Variants in TJP1 observed in about 807,000 individuals in gnomAD.
TJP1 encodes tight junction protein ZO-1.
TJP1 carries 43 observed loss-of-function variants against 194.2 expected under a neutral mutation model. That is an observed-to-expected ratio of 0.22 (90% confidence interval 0.17 to 0.29). The LOEUF (loss-of-function observed/expected upper bound fraction) is 0.29, where lower values mean the gene tolerates loss of function less well. Among genes scored for constraint, TJP1 ranks in the 10% least tolerant of loss-of-function variants. TJP1 has a pLI of 1.00. For synonymous variants in TJP1, 801 were observed against 779.0 expected, an observed-to-expected ratio of 1.03 and a Z score of -0.47; for missense variants, 1,971 against 2,185.7, an observed-to-expected ratio of 0.90 and a Z score of 1.96.
intron 2 of TJP1, among the ~76,000 whole-genome samples, chr15:29,793,124 G>A (rs933868288): frequency 1.3e-5 from 2 of 152,164 alleles, no homozygotes; most frequent in East Asian, 1.9e-4. Flanking sequence ...AATTGCTCTG[G>A]CTAGGACTTC....
At chr15:29,776,023 T>C (rs986697951) in intron 2 of TJP1, among the ~76,000 whole-genome samples, 1 of 152,116 alleles carries the variant, frequency 6.6e-6, no homozygotes, top group Non-Finnish European at 1.5e-5. Context: ...AAGGAAAGCT[T>C]CTAAATTCTT....
At chr15:29,873,821 G>A (rs894972325) in intron 2 of TJP1, among the ~76,000 whole-genome samples, 3 of 152,082 alleles carry the variant, frequency 2.0e-5, no homozygotes, top group Admixed American at 6.5e-5. Context: ...ATTTCAACAC[G>A]AACAGGTATT....
chr15:29,708,365 T>TA (rs1203615328), intron 25 of TJP1, among the ~76,000 whole-genome samples, 194 bp downstream of exon 25: 1 of 152,176 alleles, frequency 6.6e-6, no homozygotes, highest in Non-Finnish European at 1.5e-5. Context: ...ACACGACTGT[T>TA]AGCTTTATTA....
chr15:29,734,941 A>C (rs1474192698), intron 11 of TJP1, among the ~76,000 whole-genome samples: 1 of 152,164 alleles, frequency 6.6e-6, no homozygotes, highest in African/African-American at 2.4e-5. Context: ...ATCTGTGTAA[A>C]ATTTAACCAG....
At chr15:29,708,533 G>T in intron 25 of TJP1, 26 bp downstream of exon 25, 1 of 1,558,898 alleles carries the variant, frequency 6.4e-7, no homozygotes, top group Non-Finnish European at 8.8e-7. Context: ...CAGGGCCAAT[G>T]CTTTGAGCAA....
chr15:29,828,716 G>A (rs1410996673), intron 2 of TJP1, among the ~76,000 whole-genome samples: 1 of 147,202 alleles, frequency 6.8e-6, no homozygotes, highest in African/African-American at 2.5e-5. Context: ...TGTGTTCTTT[G>A]GAACTGAATG....
At chr15:29,702,525 T>C (rs2041614427) in intron 27 of TJP1, among the ~76,000 whole-genome samples, 1 of 152,174 alleles carries the variant, frequency 6.6e-6, no homozygotes, top group Non-Finnish European at 1.5e-5. Flanking sequence ...CTGCCCCTGA[T>C]GGGACATCTG....
intron 18 of TJP1, among the ~76,000 whole-genome samples, chr15:29,721,046 G>T (rs1303602650): frequency 6.6e-6 from 1 of 152,198 alleles, no homozygotes; most frequent in Non-Finnish European, 1.5e-5. Context: ...TTTTAAGCAA[G>T]GGGAAGAGGG....
At chr15:29,810,700 A>C (rs940404347) in intron 1 of TJP1, among the ~76,000 whole-genome samples, 6 of 152,182 alleles carry the variant, frequency 3.9e-5, no homozygotes, top group African/African-American at 1.4e-4. Flanking sequence ...ACAGAGTTTA[A>C]AGCACAGAGT....
At chr15:29,758,747 T>C (rs2045811728) in intron 8 of TJP1, among the ~76,000 whole-genome samples, 1 of 152,192 alleles carries the variant, frequency 6.6e-6, no homozygotes, top group African/African-American at 2.4e-5. Context: ...GATAACAATC[T>C]ATGCTGTGCC....
At chr15:29,704,123 TC>T (rs1178192781) in intron 27 of TJP1, 38 bp downstream of exon 27, 1 of 1,538,772 alleles carries the variant, frequency 6.5e-7, no homozygotes, top group South Asian at 1.2e-5. Context: ...TCAACGACAG[TC>T]CCCAAAGCTC....
intron 1 of TJP1, among the ~76,000 whole-genome samples, chr15:29,958,428 T>C (rs2056029871): frequency 6.6e-6 from 1 of 152,180 alleles, no homozygotes; most frequent in African/African-American, 2.4e-5. Flanking sequence ...TTTTTACTCA[T>C]ATGTTTAGAT....
intron 25 of TJP1, among the ~76,000 whole-genome samples, chr15:29,706,327 A>G (rs2041897344): frequency 6.6e-6 from 1 of 152,194 alleles, no homozygotes; most frequent in Non-Finnish European, 1.5e-5. Flanking sequence ...TAGTCAAACG[A>G]CCTTCATTAA....
intron 2 of TJP1, among the ~76,000 whole-genome samples, chr15:29,896,272 A>C (rs1344561687): frequency 4.6e-5 from 7 of 152,258 alleles, no homozygotes; most frequent in Admixed American, 1.3e-4. Context: ...CCTGATAGTG[A>C]GTGAGTCTCA....
At chr15:29,806,280 T>C (rs762249075) in intron 1 of TJP1, among the ~76,000 whole-genome samples, 4 of 152,054 alleles carry the variant, frequency 2.6e-5, no homozygotes, top group Non-Finnish European at 4.4e-5. Flanking sequence ...CCAAAGGAAT[T>C]TGAGAAGAAG....
At chr15:29,877,779 C>T (rs1431694186) in intron 2 of TJP1, among the ~76,000 whole-genome samples, 1 of 151,746 alleles carries the variant, frequency 6.6e-6, no homozygotes, top group African/African-American at 2.4e-5. Flanking sequence ...TTGCCTCAGT[C>T]TCCCGAGTAG....
At chr15:29,938,468 A>G (rs1262301230) in intron 2 of TJP1, among the ~76,000 whole-genome samples, 1 of 152,250 alleles carries the variant, frequency 6.6e-6, no homozygotes, top group African/African-American at 2.4e-5. Flanking sequence ...GTTTACAGCT[A>G]GTTTTAAACA....
intron 2 of TJP1, among the ~76,000 whole-genome samples, chr15:29,933,149 T>C (rs1231072732): frequency 6.6e-6 from 1 of 152,162 alleles, no homozygotes; most frequent in Non-Finnish European, 1.5e-5. Context: ...AATAAATACA[T>C]ATACATAGAT....
At chr15:29,770,412 G>A (rs1208323191) in intron 4 of TJP1, among the ~76,000 whole-genome samples, 1 of 151,960 alleles carries the variant, frequency 6.6e-6, no homozygotes, top group Non-Finnish European at 1.5e-5. Flanking sequence ...TAGCCTGGGT[G>A]ACAGAGCGAA....
Sources: allele counts gnomAD v4.1 joint callset (sites outside exome capture counted in the v4.1 genomes callset), GRCh38; gene constraint gnomAD v4.1.1; transcripts MANE v1.5; gene names NCBI Gene and HGNC (gene_info 2026-07-23, HGNC 2026-07-21).